SLC25A48: variants seen among roughly 807,000 people sequenced by gnomAD.
SLC25A48 encodes the protein solute carrier family 25 member 48, also known as CTC-321K16.1.
A neutral mutation model predicts 32.2 loss-of-function variants in SLC25A48; 29 were observed. That is an observed-to-expected ratio of 0.90 (90% CI 0.67 to 1.23). SLC25A48 has a LOEUF of 1.23. Ranked by LOEUF, SLC25A48 falls within the 50% of genes most tolerant of loss-of-function variation. The probability of loss-of-function intolerance (pLI) is 0.00; values close to 1 mark genes in which losing one functional copy is unlikely to be tolerated. For synonymous variants in SLC25A48, 164 were observed against 172.3 expected (o/e 0.95, Z 0.38); for missense variants, 399 against 422.7 (o/e 0.94, Z 0.49).
At chr5:135,655,511 A>G (rs72789417) in intron 3 of SLC25A48, among the ~76,000 whole-genome samples, 2,985 of 152,216 alleles carry the variant, frequency 0.02, 39 homozygotes, top group Middle Eastern at 0.054. Context: ...ACTGGATTGT[A>G]TCTTCCAGAG....
intron 1 of SLC25A48, among the ~76,000 whole-genome samples, chr5:135,612,148 G>A (rs1752087692): frequency 6.6e-6 from 1 of 152,150 alleles, no homozygotes; most frequent in African/African-American, 2.4e-5. Context: ...TAAAAAATAA[G>A]TTGGACAAAT....
chr5:135,755,115 G>T (rs1277705219), intron 3 of SLC25A48, among the ~76,000 whole-genome samples: 1 of 151,886 alleles, frequency 6.6e-6, no homozygotes, highest in African/African-American at 2.4e-5. Flanking sequence ...TACACACTGT[G>T]ATATTAATGA....
chr5:135,719,542 GGGAAGGCA>G (rs1754897168), intron 3 of SLC25A48, among the ~76,000 whole-genome samples: 1 of 152,166 alleles, frequency 6.6e-6, no homozygotes, highest in Admixed American at 6.5e-5. Context: ...ACACCAGGGA[GGGAAGGCA>G]CCCTCATGCT....
At chr5:135,783,908 C>A (rs1221299906) in intron 3 of SLC25A48, among the ~76,000 whole-genome samples, 1 of 118,032 alleles carries the variant, frequency 8.5e-6, no homozygotes, top group African/African-American at 2.6e-5. Context: ...TGATATTATT[C>A]CCAATATTGC....
Position 135,887,921 on chromosome 5 carries a change from T to A in SLC25A48, c.*8-111T>A, listed in dbSNP as rs916824140. The stretch of plus-strand genomic sequence containing the variant: ...CAAGTGCAAAAGTGTTTTTGTAAAC[T>A]GTAAAGTGCAAAACATAGGGGTTAG... On this transcript the variant is annotated intron_variant, in intron 7 of 7. Coordinates refer to ENST00000681962, the MANE Select transcript of SLC25A48 (RefSeq NM_001349336.2). 4 of 1,017,272 alleles carry A rather than the reference T, an allele frequency of 3.9e-6. No individual in the cohort carries two copies. In the African/African-American group the frequency reaches 6.6e-5, roughly 17 times the overall value. The allele number at this position is 1,017,272 out of a possible 1,614,324, so 63.0% of individuals were successfully genotyped here.
chr5:135,812,480 G>T (rs1282495223), intron 3 of SLC25A48: 1 of 152,140 alleles, frequency 6.6e-6, no homozygotes, highest in Admixed American at 6.5e-5. Flanking sequence ...TAGGACAGGG[G>T]CACACAAATT....
At chr5:135,844,398 C>G (rs1759249059) in intron 2 of SLC25A48, among the ~76,000 whole-genome samples, 1 of 152,216 alleles carries the variant, frequency 6.6e-6, no homozygotes, top group African/African-American at 2.4e-5. Flanking sequence ...CCCAAACTCA[C>G]CTAAGTCATT....
intron 3 of SLC25A48, among the ~76,000 whole-genome samples, chr5:135,808,872 A>T (rs1207576349): frequency 3.3e-5 from 5 of 152,146 alleles, no homozygotes; most frequent in Non-Finnish European, 7.3e-5. Flanking sequence ...AGACCATTTG[A>T]GAGTTAGATT....
chr5:135,766,345 G>A (rs114367751), intron 3 of SLC25A48, among the ~76,000 whole-genome samples: 6,478 of 80,496 alleles, frequency 0.08, 285 homozygotes, highest in African/African-American at 0.16. Context: ...AATATGGTTT[G>A]TAATATCAAG....
chr5:135,839,532 T>C (rs928650156), intron 1 of SLC25A48, among the ~76,000 whole-genome samples: 38 of 152,338 alleles, frequency 2.5e-4, no homozygotes, highest in African/African-American at 7.9e-4. Flanking sequence ...ACTTGCCTTG[T>C]CTCAGATGAG....
At chr5:135,764,177 G>A (rs1245179416) in intron 3 of SLC25A48, among the ~76,000 whole-genome samples, 1 of 151,994 alleles carries the variant, frequency 6.6e-6, no homozygotes, top group Admixed American at 6.5e-5. Context: ...ATATGGCAGG[G>A]GGTGTACATC....
At chr5:135,852,249 C>T (rs1010416780) in intron 3 of SLC25A48, among the ~76,000 whole-genome samples, 4 of 152,170 alleles carry the variant, frequency 2.6e-5, no homozygotes, top group African/African-American at 4.8e-5. Context: ...TCAGGATCCC[C>T]CTTGGCCACA....
chr5:135,738,616 C>T (rs1755433074), intron 3 of SLC25A48, among the ~76,000 whole-genome samples: 1 of 152,176 alleles, frequency 6.6e-6, no homozygotes, highest in African/African-American at 2.4e-5. Context: ...GCTCTCTAAG[C>T]CTTGGCTGTC....
chr5:135,841,669 T>C (rs1047041319), intron 1 of SLC25A48, among the ~76,000 whole-genome samples: 4 of 149,432 alleles, frequency 2.7e-5, no homozygotes, highest in Non-Finnish European at 5.9e-5. Context: ...CTGGCTAGGG[T>C]GGTGGAATTT....
intron 1 of SLC25A48, among the ~76,000 whole-genome samples, chr5:135,588,764 G>T (rs1478679718): frequency 6.6e-6 from 1 of 152,206 alleles, no homozygotes; most frequent in Non-Finnish European, 1.5e-5. Flanking sequence ...GTCAGGGACT[G>T]GCTGGTTTGA....
At chr5:135,802,836 T>C (rs1757367399) in intron 3 of SLC25A48, 1 of 151,474 alleles carries the variant, frequency 6.6e-6, no homozygotes, top group Non-Finnish European at 1.5e-5. Flanking sequence ...TTACTCCTAG[T>C]ATCACAGTAG....
intron 4 of SLC25A48, among the ~76,000 whole-genome samples, chr5:135,865,015 T>G (rs1761079690): frequency 6.6e-6 from 1 of 152,194 alleles, no homozygotes; most frequent in Non-Finnish European, 1.5e-5. Context: ...TAAGAACTAT[T>G]TGCCTTGAGT....
intron 4 of SLC25A48, among the ~76,000 whole-genome samples, chr5:135,855,784 G>A (rs192065806): frequency 3.8e-4 from 58 of 152,272 alleles, no homozygotes; most frequent in African/African-American, 8.2e-4. Flanking sequence ...CCAGAGTCCC[G>A]ATCTCACCTG....
At chr5:135,606,010 A>G (rs1264489796) in intron 1 of SLC25A48, among the ~76,000 whole-genome samples, 1 of 152,224 alleles carries the variant, frequency 6.6e-6, no homozygotes, top group Admixed American at 6.5e-5. Flanking sequence ...ATGCCACTGC[A>G]GAGGACTGGG....
Sources: allele counts gnomAD v4.1 joint callset (sites outside exome capture counted in the v4.1 genomes callset), GRCh38; gene constraint gnomAD v4.1.1; transcripts MANE v1.5; gene names NCBI Gene and HGNC (gene_info 2026-07-23, HGNC 2026-07-21).